PGCKA1: variants seen among roughly 807,000 people sequenced by gnomAD.
PGCKA1 encodes the protein PDCD10 and GCKIII kinases associated 1, also known as PDCD10 and GCKIII kinases-associated protein 1.
chr4:37,582,162 GTC>G, the PGCKA1 span, among the ~76,000 whole-genome samples: 1 of 152,188 alleles, frequency 6.6e-6, no homozygotes, highest in Non-Finnish European at 1.5e-5. Flanking sequence ...GTTCAAGATT[GTC>G]TTTCCTACTA....
At chr4:37,507,034 A>G in the PGCKA1 span, among the ~76,000 whole-genome samples, 1 of 152,002 alleles carries the variant, frequency 6.6e-6, no homozygotes, top group African/African-American at 2.4e-5. Flanking sequence ...TTACATAATG[A>G]CCTTTGTTGT....
the PGCKA1 span, among the ~76,000 whole-genome samples, chr4:37,582,838 G>A: frequency 6.9e-6 from 1 of 145,876 alleles, no homozygotes; most frequent in Non-Finnish European, 1.5e-5. Flanking sequence ...GCTACTTTAA[G>A]ACTAAATATC....
the PGCKA1 span, among the ~76,000 whole-genome samples, chr4:37,468,525 A>T: frequency 6.6e-6 from 1 of 152,124 alleles, no homozygotes; most frequent in Non-Finnish European, 1.5e-5. Flanking sequence ...GCTAATCATG[A>T]CACTTTTGTC....
the PGCKA1 span, among the ~76,000 whole-genome samples, chr4:37,592,208 C>CA: frequency 9.8e-3 from 911 of 93,276 alleles, 7 homozygotes; most frequent in African/African-American, 0.014. Context: ...GACTCCATCT[C>CA]AAAAAAAAAA....
chr4:37,474,197 G>A, the PGCKA1 span, among the ~76,000 whole-genome samples: 1 of 152,134 alleles, frequency 6.6e-6, no homozygotes, highest in Non-Finnish European at 1.5e-5. Flanking sequence ...TACCTTGGGA[G>A]TGGGTTCCTG....
chr4:37,578,250 T>C, the PGCKA1 span, among the ~76,000 whole-genome samples: 43 of 152,352 alleles, frequency 2.8e-4, no homozygotes, highest in Non-Finnish European at 4.9e-4. Context: ...CATATATATT[T>C]ACAATTGTTA....
At chr4:37,570,251 G>A in the PGCKA1 span, among the ~76,000 whole-genome samples, 1 of 147,544 alleles carries the variant, frequency 6.8e-6, no homozygotes, top group East Asian at 2.0e-4. Flanking sequence ...GCCGACCTCG[G>A]CCTCCCAAAG....
At chr4:37,534,044 G>C in the PGCKA1 span, among the ~76,000 whole-genome samples, 1 of 152,268 alleles carries the variant, frequency 6.6e-6, no homozygotes, top group African/African-American at 2.4e-5. Context: ...TTGCTTGGGG[G>C]AAAAGCAATG....
chr4:37,500,573 A>G, the PGCKA1 span, among the ~76,000 whole-genome samples: 518 of 152,362 alleles, frequency 3.4e-3, 5 homozygotes, highest in African/African-American at 0.012. Context: ...GCCATGTGGC[A>G]ATGAGAGGAA....
chr4:37,518,254 T>A, the PGCKA1 span, among the ~76,000 whole-genome samples: 5 of 152,232 alleles, frequency 3.3e-5, no homozygotes. Flanking sequence ...TATCTCTTTA[T>A]ATACTGATTT....
chr4:37,505,247 G>C, the PGCKA1 span, among the ~76,000 whole-genome samples: 299 of 152,258 alleles, frequency 2.0e-3, no homozygotes, highest in Non-Finnish European at 3.2e-3. Context: ...AACCATCCTT[G>C]CATCCCTGGA....
At chr4:37,581,133 G>A in the PGCKA1 span, among the ~76,000 whole-genome samples, 2,460 of 152,158 alleles carry the variant, frequency 0.016, 115 homozygotes, top group East Asian at 0.13. This position sits in a 1 kb window ranked among gnomAD's most constrained non-coding sequence, Gnocchi z 4.4. Flanking sequence ...ATCCTTCAGG[G>A]CAGTGGACTT....
the PGCKA1 span, among the ~76,000 whole-genome samples, chr4:37,503,855 T>A: frequency 6.6e-6 from 1 of 152,230 alleles, no homozygotes; most frequent in Non-Finnish European, 1.5e-5. Context: ...TGGTTATTAA[T>A]CCCTTGCCAG....
At chr4:37,534,407 G>A in the PGCKA1 span, among the ~76,000 whole-genome samples, 1 of 152,172 alleles carries the variant, frequency 6.6e-6, no homozygotes, top group Admixed American at 6.5e-5. Flanking sequence ...AATCTGACCA[G>A]ACTGTCTTGA....
chr4:37,574,547 A>G, the PGCKA1 span, among the ~76,000 whole-genome samples: 1 of 152,206 alleles, frequency 6.6e-6, no homozygotes, highest in Non-Finnish European at 1.5e-5. Flanking sequence ...CATAATAATC[A>G]TATCCAGGTA....
At chr4:37,464,162 G>T in the PGCKA1 span, among the ~76,000 whole-genome samples, 1 of 152,172 alleles carries the variant, frequency 6.6e-6, no homozygotes, top group Non-Finnish European at 1.5e-5. Flanking sequence ...GGGTGTGGGG[G>T]TTGTATTTTC....
chr4:37,495,408 A>T, the PGCKA1 span, among the ~76,000 whole-genome samples: 21,012 of 152,254 alleles, frequency 0.14, 1,699 homozygotes, highest in Non-Finnish European at 0.18. Flanking sequence ...ATTATAAATC[A>T]TTCTATAAAT....
At chr4:37,477,834 G>A in the PGCKA1 span, among the ~76,000 whole-genome samples, 2 of 152,018 alleles carry the variant, frequency 1.3e-5, no homozygotes, top group South Asian at 2.1e-4. Flanking sequence ...TCTAAAATAT[G>A]TACAGATTGG....
the PGCKA1 span, among the ~76,000 whole-genome samples, chr4:37,545,078 A>G: frequency 6.7e-6 from 1 of 149,556 alleles, no homozygotes; most frequent in African/African-American, 2.5e-5. Flanking sequence ...CTGGTCTCGA[A>G]CTCCTGACCT....
Sources: allele counts gnomAD v4.1 joint callset (sites outside exome capture counted in the v4.1 genomes callset), GRCh38; gene constraint gnomAD v4.1.1; non-coding constraint Gnocchi (gnomAD v3.1); transcripts MANE v1.5; gene names NCBI Gene and HGNC (gene_info 2026-07-23, HGNC 2026-07-21).